Variants in CDKAL1 observed in about 807,000 individuals in gnomAD.
The protein encoded by CDKAL1 is threonylcarbamoyladenosine tRNA methylthiotransferase.
Under a neutral mutation model 68.2 loss-of-function variants are expected in CDKAL1, and 32 were observed. The observed-to-expected ratio is 0.47, with a 90% CI of 0.35 to 0.63. The LOEUF is 0.63. CDKAL1 is among the 30% of genes least tolerant of loss of function. The pLI, the probability that CDKAL1 is intolerant of heterozygous loss-of-function variation, is 0.00. For synonymous variants in CDKAL1, 234 were observed against 244.3 expected (o/e 0.96, Z 0.39); for missense variants, 606 against 696.7 (o/e 0.87, Z 1.47).
At chr6:20,798,768 T>TGGGGGGA (rs1423103292) in intron 8 of CDKAL1, among the ~76,000 whole-genome samples, 2 of 24,014 alleles carry the variant, frequency 8.3e-5, no homozygotes, top group African/African-American at 1.8e-4. Context: ...TGTAATGGGA[T>TGGGGGGA]GGGGGGAGGG....
chr6:21,145,445 T>C lies in CDKAL1; in HGVS notation c.1299+36982T>C, dbSNP rs142309146. Among the ~76,000 whole-genome samples the C allele has an allele frequency of 1.1e-3, 166 of 152,290 alleles. 4 individuals are homozygous for C. The East Asian group carries it at 0.028, about 26-fold the overall frequency. ...AACATCCCAGAAAACTAGAATTCTC[T>C]AGTAACCCCTAGGTCAAGTGCCCAT... On this transcript the variant is annotated intron_variant, in intron 13 of 15. Transcript: ENST00000274695.
At chr6:20,567,029 T>G (rs1764487769) in intron 4 of CDKAL1, among the ~76,000 whole-genome samples, 1 of 152,088 alleles carries the variant, frequency 6.6e-6, no homozygotes, top group Non-Finnish European at 1.5e-5. Context: ...TTTTTAGCTC[T>G]TGATCTGAAA....
At chr6:20,864,640 C>T (rs1003544369) in intron 9 of CDKAL1, among the ~76,000 whole-genome samples, 6 of 152,064 alleles carry the variant, frequency 3.9e-5, no homozygotes, top group African/African-American at 1.4e-4. Flanking sequence ...TGATGGTTGG[C>T]TTGTTCAGAA....
chr6:20,726,985 T>A (rs1272865228), intron 5 of CDKAL1, among the ~76,000 whole-genome samples: 1 of 152,192 alleles, frequency 6.6e-6, no homozygotes, highest in Non-Finnish European at 1.5e-5. Context: ...TGGTCTCCAG[T>A]AGCTTATCGG....
At chr6:20,837,518 A>G (rs189838507) in intron 8 of CDKAL1, among the ~76,000 whole-genome samples, 26 of 152,134 alleles carry the variant, frequency 1.7e-4, no homozygotes, top group Middle Eastern at 3.4e-3. Context: ...TTTATGGTCC[A>G]TTATTCAGGT....
chr6:20,866,630 A>G (rs374690236), intron 9 of CDKAL1, among the ~76,000 whole-genome samples: 1 of 152,216 alleles, frequency 6.6e-6, no homozygotes, highest in Non-Finnish European at 1.5e-5. Flanking sequence ...TAGAATCATT[A>G]GAGTTGTGTC....
chr6:20,547,761 CT>C (rs916256258), intron 3 of CDKAL1, among the ~76,000 whole-genome samples: 2 of 151,876 alleles, frequency 1.3e-5, no homozygotes, highest in Admixed American at 1.3e-4. Context: ...GTTGAAAGTC[CT>C]TTTTTCCCCT....
intron 5 of CDKAL1, among the ~76,000 whole-genome samples, chr6:20,690,070 T>A (rs1409805575): frequency 6.6e-6 from 1 of 152,246 alleles, no homozygotes; most frequent in African/African-American, 2.4e-5. Context: ...GTTACCATAG[T>A]TAACATGCTA....
At chr6:21,062,845 C>T (rs1259677423) in intron 11 of CDKAL1, among the ~76,000 whole-genome samples, 1 of 152,142 alleles carries the variant, frequency 6.6e-6, no homozygotes, top group East Asian at 1.9e-4. Context: ...CTCTTATGCC[C>T]CCAAATATCT....
chr6:20,803,236 G>A (rs1776438864), intron 8 of CDKAL1, among the ~76,000 whole-genome samples: 1 of 152,170 alleles, frequency 6.6e-6, no homozygotes. Flanking sequence ...TGGTATAAGA[G>A]TCCCATGGCT....
intron 7 of CDKAL1, among the ~76,000 whole-genome samples, chr6:20,777,346 C>A (rs1219433233): frequency 6.6e-6 from 1 of 152,182 alleles, no homozygotes; most frequent in Non-Finnish European, 1.5e-5. Flanking sequence ...GGTGCAGTGA[C>A]TCATACTTTT....
At chr6:20,691,881 A>T (rs568388698) in intron 5 of CDKAL1, among the ~76,000 whole-genome samples, 1 of 151,940 alleles carries the variant, frequency 6.6e-6, no homozygotes. Context: ...TTTCATTTCT[A>T]TTTTATATAT....
At chr6:20,758,808 G>A (rs952325235) in intron 7 of CDKAL1, among the ~76,000 whole-genome samples, 165 bp downstream of exon 7, 7 of 152,170 alleles carry the variant, frequency 4.6e-5, no homozygotes, top group African/African-American at 1.7e-4. Flanking sequence ...TCTAATATTG[G>A]AGGCAGGCAC....
In CDKAL1 at chr6:20,912,979, G is replaced by T. The variant is rs181062958; in HGVS notation, c.743-42440G>T. 8.6e-5 allele frequency among the ~76,000 whole-genome samples: 13 copies of T among 151,082 alleles called. 1 individual carries two copies. The highest frequency in any genetic ancestry group is 8.6e-4 in the Admixed American group (13 of 15,170). On this transcript the variant is annotated intron_variant, in intron 9 of 15. Coordinates refer to ENST00000274695, the MANE Select transcript of CDKAL1 (RefSeq NM_017774.3). ...AATTGGTTTATATGTTAAAATCACA[G>T]ATTATTTATATAATGGCAAAAAAAA...
chr6:20,803,701 T>C (rs1776458898), intron 8 of CDKAL1, among the ~76,000 whole-genome samples: 1 of 151,928 alleles, frequency 6.6e-6, no homozygotes, highest in African/African-American at 2.4e-5. Flanking sequence ...GTGGGAAGAG[T>C]AGAGATGGGG....
At chr6:20,920,042 C>T (rs1408019569) in intron 9 of CDKAL1, among the ~76,000 whole-genome samples, 2 of 152,132 alleles carry the variant, frequency 1.3e-5, no homozygotes, top group Non-Finnish European at 2.9e-5. Context: ...CTATTTTGTG[C>T]TGGATTGGGG....
At chr6:20,984,133 A>G (rs1323895330) in intron 10 of CDKAL1, among the ~76,000 whole-genome samples, 1 of 152,226 alleles carries the variant, frequency 6.6e-6, no homozygotes, top group Non-Finnish European at 1.5e-5. Context: ...TGTCTAGCAC[A>G]TACAGATGCA....
At chr6:20,964,038 C>G (rs1025787368) in intron 10 of CDKAL1, among the ~76,000 whole-genome samples, 15 of 151,442 alleles carry the variant, frequency 9.9e-5, no homozygotes, top group Admixed American at 3.9e-4. Context: ...TACATGTGGC[C>G]AACCATCATA....
At chr6:20,657,187 T>C (rs1339202336) in intron 5 of CDKAL1, among the ~76,000 whole-genome samples, 1 of 152,228 alleles carries the variant, frequency 6.6e-6, no homozygotes, top group Non-Finnish European at 1.5e-5. Flanking sequence ...TAAGTCGTGC[T>C]ACACATGTGC....
Sources: allele counts gnomAD v4.1 joint callset (sites outside exome capture counted in the v4.1 genomes callset), GRCh38; gene constraint gnomAD v4.1.1; transcripts MANE v1.5; gene names NCBI Gene and HGNC (gene_info 2026-07-23, HGNC 2026-07-21).